The following P3H2 variants were observed in gnomAD, a reference collection of about 807,000 sequenced individuals.
P3H2 encodes prolyl 3-hydroxylase 2.
A neutral mutation model predicts 87.0 loss-of-function variants in P3H2; 80 were observed. That is an observed-to-expected ratio of 0.92 (90% CI 0.77 to 1.11). The LOEUF is 1.11. Among genes scored for constraint, P3H2 ranks in the 50% least tolerant of loss-of-function variants. The probability of loss-of-function intolerance (pLI) is 0.00; values close to 1 mark genes in which losing one functional copy is unlikely to be tolerated. For synonymous variants in P3H2, 367 were observed against 359.3 expected (o/e 1.02, Z -0.24); for missense variants, 1,001 against 923.9 (o/e 1.08, Z -1.08).
intron 1 of P3H2, among the ~76,000 whole-genome samples, chr3:190,043,139 A>G (rs1370893370): frequency 2.1e-5 from 2 of 95,090 alleles, no homozygotes; most frequent in East Asian, 6.1e-4. Flanking sequence ...TCACAAAATA[A>G]TAGAAGCGTC....
intron 1 of P3H2, among the ~76,000 whole-genome samples, chr3:190,045,060 C>G (rs188181723): frequency 3.3e-4 from 50 of 152,122 alleles, no homozygotes; most frequent in Admixed American, 2.6e-4. Flanking sequence ...ATAAAATGCC[C>G]AGGAGAGAAA....
intron 1 of P3H2, among the ~76,000 whole-genome samples, chr3:190,033,355 A>T (rs1725317667): frequency 6.6e-6 from 1 of 152,228 alleles, no homozygotes; most frequent in Non-Finnish European, 1.5e-5. Context: ...AATAACCAGA[A>T]TATATACCTT....
At chr3:190,080,935 A>G (rs1727023085) in intron 1 of P3H2, among the ~76,000 whole-genome samples, 2 of 152,230 alleles carry the variant, frequency 1.3e-5, no homozygotes, top group Admixed American at 6.5e-5. Context: ...GTCACAGACA[A>G]TAATTTACTT....
In P3H2 at chr3:189,957,436, C is replaced by A; in HGVS notation, c.*476G>T. Reference sequence around the variant, plus strand: ...CTCTAAGCTTTTGAATTTGCAGCAACTTAATTGTGTGTGTGTGTGTGTGTG... The same window carrying A: ...CTCTAAGCTTTTGAATTTGCAGCAAATTAATTGTGTGTGTGTGTGTGTGTG... On this transcript the variant is annotated 3_prime_UTR_variant, in exon 15 of 15. Coordinates refer to ENST00000319332, the MANE Select transcript of P3H2 (RefSeq NM_018192.4). 1 of 340,224 alleles carries A rather than the reference C, an allele frequency of 2.9e-6. No individual in the cohort carries two copies. Among genetic ancestry groups the A allele is most frequent in the Admixed American group, 4.9e-5 (1 of 20,358 alleles). 21.1% of individuals were successfully genotyped at this position (340,224 alleles called of 1,614,324 possible).
In P3H2 at chr3:189,989,647, C is replaced by T. The variant is rs533673622; in HGVS notation, c.824-609G>A. Among the ~76,000 whole-genome samples the T allele has an allele frequency of 1.3e-4, 20 of 152,252 alleles. No homozygotes were observed. The South Asian group carries it at 3.7e-3, about 28-fold the overall frequency. ...TCTATCCAGTTATAAATTAGTCTAT[C>T]GCCTAGACATAGTATATTCTAATAC... On this transcript the variant is annotated intron_variant, in intron 3 of 14. Coordinates refer to ENST00000319332, the MANE Select transcript of P3H2 (RefSeq NM_018192.4).
chr3:189,991,153 A>C (rs769842629), intron 3 of P3H2, among the ~76,000 whole-genome samples: 1 of 152,250 alleles, frequency 6.6e-6, no homozygotes, highest in Non-Finnish European at 1.5e-5. Flanking sequence ...TGAACCACAC[A>C]TAAAACTGAC....
At chr3:189,969,728 A>T in intron 13 of P3H2, 2 of 1,507,932 alleles carry the variant, frequency 1.3e-6, no homozygotes, top group Non-Finnish European at 1.8e-6. Flanking sequence ...CCCCAAAATT[A>T]AGACATCAAA....
chr3:190,063,053 T>C (rs887021413), intron 1 of P3H2, among the ~76,000 whole-genome samples: 6 of 152,176 alleles, frequency 3.9e-5, no homozygotes, highest in African/African-American at 1.4e-4. Flanking sequence ...TATTCTTCTA[T>C]TAAGCCAGTG....
At chr3:190,103,981 G>A (rs1023578727) in intron 1 of P3H2, among the ~76,000 whole-genome samples, 2 of 151,836 alleles carry the variant, frequency 1.3e-5, no homozygotes, top group Non-Finnish European at 1.5e-5. Context: ...TAGTAGAGAC[G>A]GGACTTCACT....
intron 1 of P3H2, among the ~76,000 whole-genome samples, chr3:190,045,262 T>C (rs982154664): frequency 6.6e-6 from 1 of 152,186 alleles, no homozygotes; most frequent in African/African-American, 2.4e-5. Flanking sequence ...AAAGCTTGGA[T>C]TTATTTTGCA....
intron 1 of P3H2, among the ~76,000 whole-genome samples, chr3:190,074,361 A>T (rs576338216): frequency 6.6e-6 from 1 of 152,142 alleles, no homozygotes; most frequent in South Asian, 2.1e-4. Flanking sequence ...AATACAAAAA[A>T]TTAGCCGGGT....
At chr3:190,040,389 T>C (rs78953410) in intron 1 of P3H2, among the ~76,000 whole-genome samples, 2,628 of 152,222 alleles carry the variant, frequency 0.017, 64 homozygotes, top group African/African-American at 0.059. Context: ...CAACTAATGG[T>C]TACTGAATCC....
intron 1 of P3H2, among the ~76,000 whole-genome samples, chr3:190,056,358 T>G (rs780701483): frequency 7.2e-5 from 11 of 152,178 alleles, no homozygotes; most frequent in Non-Finnish European, 1.6e-4. Context: ...TTCCCTACGG[T>G]CATGAGGGCA....
chr3:190,033,109 G>A (rs769633224), intron 1 of P3H2, among the ~76,000 whole-genome samples: 1 of 152,026 alleles, frequency 6.6e-6, no homozygotes, highest in Admixed American at 6.6e-5. Flanking sequence ...TCACAATAGC[G>A]CTCGCGCTCC....
intron 1 of P3H2, among the ~76,000 whole-genome samples, chr3:190,029,756 T>G (rs768871701): frequency 6.6e-6 from 1 of 152,074 alleles, no homozygotes; most frequent in Non-Finnish European, 1.5e-5. Context: ...ATCCCAGCAT[T>G]TTGGGAGGCC....
chr3:190,115,891 C>A (rs1216812811), intron 1 of P3H2, among the ~76,000 whole-genome samples: 1 of 152,208 alleles, frequency 6.6e-6, no homozygotes, highest in Non-Finnish European at 1.5e-5. Context: ...CTCAGACCTA[C>A]TGAGCCTGTA....
rs1712536829 is a variant in P3H2, at chr3:190,120,666, C to T, written c.66G>A (p.Leu22=). The T allele has an allele frequency of 6.6e-7, 1 of 1,523,808 alleles. No individual in the cohort carries two copies. The highest frequency in any genetic ancestry group is 1.4e-5 in the African/African-American group (1 of 71,280). 94.4% of individuals were successfully genotyped at this position (1,523,808 alleles called of 1,614,324 possible). Residue 22 remains leucine, a synonymous_variant, in exon 1 of 15, where the codon CTG becomes CTA. Coordinates refer to ENST00000319332, the MANE Select transcript of P3H2 (RefSeq NM_018192.4). ...GTGGGCTGTCCGGGGGGCCGCCCCA[C>T]AGTGGCGGCGGCAGTAGCAGCGGCA... ...LLLPLLLPPP[L]WGGPPDSPRR...
intron 1 of P3H2, among the ~76,000 whole-genome samples, chr3:190,042,256 T>G (rs1010288973): frequency 2.0e-5 from 3 of 152,222 alleles, no homozygotes; most frequent in Admixed American, 1.3e-4. Flanking sequence ...TATTTGATGT[T>G]TTTTGTTTAA....
At chr3:190,018,083 A>G (rs115732237) in intron 1 of P3H2, among the ~76,000 whole-genome samples, 1,761 of 152,324 alleles carry the variant, frequency 0.012, 48 homozygotes, top group African/African-American at 0.04. Context: ...GAAAGGTTTC[A>G]CAAGCAGTTG....
Sources: gnomAD v4.1 joint callset for allele counts (sites outside exome capture counted in the v4.1 genomes callset) on GRCh38, gnomAD v4.1.1 for gene constraint, MANE v1.5 for transcripts, NCBI Gene and HGNC (gene_info 2026-07-23, HGNC 2026-07-21) for gene names.